Variants in WDR26 observed in about 807,000 individuals in gnomAD.
WDR26 encodes the protein WD repeat domain 26, also known as WD repeat-containing protein 26.
A neutral mutation model predicts 84.1 loss-of-function variants in WDR26; 5 were observed. That is an observed-to-expected ratio of 0.06 (90% CI 0.03 to 0.13). The LOEUF (loss-of-function observed/expected upper bound fraction) is 0.13, where lower values mean the gene tolerates loss of function less well. Ranked by LOEUF, WDR26 falls within the 10% of genes least tolerant of loss-of-function variation. The probability of loss-of-function intolerance (pLI) is 1.00; values close to 1 mark genes in which losing one functional copy is unlikely to be tolerated. For missense variants in WDR26, 642 were observed against 974.9 expected, an observed-to-expected ratio of 0.66 and a Z score of 4.55; for synonymous variants, 415 against 389.6, an observed-to-expected ratio of 1.07 and a Z score of -0.77.
At chr1:224,415,813 C>G (rs909181441) in intron 6 of WDR26, among the ~76,000 whole-genome samples, 1 of 152,026 alleles carries the variant, frequency 6.6e-6, no homozygotes, top group Non-Finnish European at 1.5e-5. Context: ...TAAGGAGTAG[C>G]CAGGAGTTAA....
chr1:224,397,201 G>A (rs1327605749), intron 12 of WDR26, among the ~76,000 whole-genome samples: 1 of 152,106 alleles, frequency 6.6e-6, no homozygotes, highest in Admixed American at 6.6e-5. Context: ...ATGTTGCCCA[G>A]GTTGGTCTGG....
chr1:224,398,949 G>C lies in WDR26; in HGVS notation c.1805C>G (p.Ala602Gly), dbSNP rs1316774402. 1 of 1,613,542 alleles carries C rather than the reference G, an allele frequency of 6.2e-7. No individual in the cohort carries two copies. Among genetic ancestry groups the C allele is most frequent in the Non-Finnish European group, 8.5e-7 (1 of 1,179,830 alleles). Reference sequence around the variant, plus strand: ...CCGAATTCGCTGGTGTGTATCTGATGCCAGAACAGTCTTTCCATCACTCAA... The same window carrying C: ...CCGAATTCGCTGGTGTGTATCTGATCCCAGAACAGTCTTTCCATCACTCAA... Residue 602 changes from alanine to glycine, a missense_variant, in exon 10 of 14, where the codon GCA becomes GGA. By Grantham distance (60) the Ala-to-Gly change is moderately conservative. Coordinates refer to ENST00000414423, the MANE Select transcript of WDR26 (RefSeq NM_001379403.1).
chr1:224,393,491 T>C (rs1673179288), intron 13 of WDR26, among the ~76,000 whole-genome samples: 1 of 152,234 alleles, frequency 6.6e-6, no homozygotes, highest in Non-Finnish European at 1.5e-5. Context: ...GTTTCATGTG[T>C]ATAAAATTCT....
At position 224,434,068 on chromosome 1, in the gene WDR26, C is replaced by A; in HGVS notation, c.338G>T (p.Gly113Val). 1 of 1,449,432 alleles carries A rather than the reference C, an allele frequency of 6.9e-7. No individual in the cohort carries two copies. The highest frequency in any genetic ancestry group is 2.7e-5 in the Admixed American group (1 of 37,142). 89.8% of individuals were successfully genotyped at this position (1,449,432 alleles called of 1,614,324 possible). ...CCCTCCTCCTCCACCGCCGCCGCCG[C>A]CACCTCCTCCTCCTCCTCCTGCCCC... Residue 113 changes from glycine (G) to valine (V), a missense_variant, in exon 1 of 14, where the codon GGC becomes GTC. This residue lies in a region of WDR26 where 291 missense variants were observed against 302.1 expected (regional missense o/e 0.96). Coordinates refer to ENST00000414423, the MANE Select transcript of WDR26 (RefSeq NM_001379403.1).
At chr1:224,407,173 A>G (rs1246938032) in intron 7 of WDR26, among the ~76,000 whole-genome samples, 7 of 81,490 alleles carry the variant, frequency 8.6e-5, no homozygotes, top group African/African-American at 3.1e-4. Flanking sequence ...TATATATATA[A>G]CTCAAAAACT....
chr1:224,397,926 G>T, intron 12 of WDR26, 171 bp downstream of exon 12: 1 of 728,486 alleles, frequency 1.4e-6, no homozygotes. Flanking sequence ...GTGACAATTT[G>T]TGATAATACA....
chr1:224,424,622 G>A lies in WDR26; in HGVS notation c.960C>T (p.Tyr320=). ...CCTTGCCATCCTCCAGGTATTCTAG[G>A]TACTTCTGCTGCAGCAGCAAAAACT... Residue 320 remains tyrosine, a synonymous_variant, in exon 4 of 14, where the codon TAC becomes TAT. Transcript: ENST00000414423. The A allele has an allele frequency of 1.2e-6, 2 of 1,614,138 alleles. No homozygotes were observed. Among genetic ancestry groups the A allele is most frequent in the Non-Finnish European group, 1.7e-6 (2 of 1,180,016 alleles).
chr1:224,434,119 A>C lies in WDR26; in HGVS notation c.287T>G (p.Val96Gly). 7.0e-7 allele frequency: 1 copy of C among 1,428,352 alleles called. No individual in the cohort carries two copies. 88.5% of individuals were successfully genotyped at this position (1,428,352 alleles called of 1,614,324 possible). A position where few individuals can be genotyped will look rare whatever the true frequency, so the allele number is the denominator to read the frequency against. Residue 96 changes from valine to glycine, a missense_variant, in exon 1 of 14, where the codon GTC (valine) becomes GGC (glycine). Physicochemically the swap from Val to Gly is moderately radical, Grantham distance 109. Transcript: ENST00000414423. Reference sequence around the variant, plus strand: ...ATTGGCCTGCATGATGCTGCCGCTGACCAGGCTGTGGCCGCTACTTCGGTG... The same window carrying C: ...ATTGGCCTGCATGATGCTGCCGCTGCCCAGGCTGTGGCCGCTACTTCGGTG...
Position 224,389,672 on chromosome 1 carries a change from C to A in WDR26, c.*163G>T. 1 of 707,400 alleles carries A rather than the reference C, an allele frequency of 1.4e-6. No homozygotes were observed. Among genetic ancestry groups the A allele is most frequent in the Non-Finnish European group, 2.4e-6 (1 of 408,900 alleles). 43.8% of individuals were successfully genotyped at this position (707,400 alleles called of 1,614,324 possible). ...TTCATCTCAACTGGTTACTATGAAG[C>A]AAGGTGTAAATGTTTGGCCCCAATC... On this transcript the variant is annotated 3_prime_UTR_variant, in exon 14 of 14. Transcript: ENST00000414423.
At chr1:224,412,352 T>G (rs1558431126) in intron 6 of WDR26, among the ~76,000 whole-genome samples, 1 of 152,196 alleles carries the variant, frequency 6.6e-6, no homozygotes, top group East Asian at 1.9e-4. Flanking sequence ...CTTGGCTCAG[T>G]CACTTAGCTA....
Position 224,389,709 on chromosome 1 carries a change from A to G in WDR26, c.*126T>C, listed in dbSNP as rs2102882443. The G allele has an allele frequency of 1.9e-6, 2 of 1,031,288 alleles. No individual in the cohort carries two copies. The highest frequency in any genetic ancestry group is 2.4e-5 in the East Asian group (1 of 41,314). The allele number at this position is 1,031,288 out of a possible 1,614,324, so 63.9% of individuals were successfully genotyped here. ...GTTTGGCCCCAATCGGGCTTCAGAA[A>G]TGGTTCTTTTTTCATGACGAGCATG... On this transcript the variant is annotated 3_prime_UTR_variant, in exon 14 of 14. Coordinates refer to ENST00000414423, the MANE Select transcript of WDR26 (RefSeq NM_001379403.1).
At chr1:224,419,490 C>T (rs771241698) in intron 5 of WDR26, 28 bp downstream of exon 5, 2 of 1,536,652 alleles carry the variant, frequency 1.3e-6, no homozygotes, top group South Asian at 1.1e-5. Context: ...AGAGAAAACA[C>T]AGCAACATAA....
Position 224,433,697 on chromosome 1 carries a change from C to G in WDR26, c.709G>C (p.Gly237Arg). ...AGGGATACTTACTTGAGCCCTAAGC[C>G]ATTCAAGTGCTGTCCTATTAGCCTA... Residue 237 changes from glycine to arginine, a missense_variant, in exon 1 of 14, where the codon GGC (glycine) becomes CGC (arginine). Around this residue, in one of 2 missense-constraint regions of WDR26, gnomAD observed 351 missense variants for 672.8 expected, o/e 0.52. Transcript: ENST00000414423. The G allele has an allele frequency of 6.6e-7, 1 of 1,510,948 alleles. No individual in the cohort carries two copies. Among genetic ancestry groups the G allele is most frequent in the Non-Finnish European group, 8.8e-7 (1 of 1,131,088 alleles). 93.6% of individuals were successfully genotyped at this position (1,510,948 alleles called of 1,614,324 possible). A position where few individuals can be genotyped will look rare whatever the true frequency, so the allele number is the denominator to read the frequency against.
intron 6 of WDR26, among the ~76,000 whole-genome samples, chr1:224,412,284 T>C (rs1673760685): frequency 6.6e-6 from 1 of 152,184 alleles, no homozygotes; most frequent in African/African-American, 2.4e-5. Flanking sequence ...AGGAGTGCAG[T>C]AGTTAAGAGC....
intron 4 of WDR26, among the ~76,000 whole-genome samples, chr1:224,423,443 G>A (rs1018819341): frequency 1.3e-5 from 2 of 152,202 alleles, no homozygotes; most frequent in Non-Finnish European, 2.9e-5. Flanking sequence ...ATGAAGGGGT[G>A]AATCCAGAAT....
chr1:224,424,798 T>C, intron 3 of WDR26, 144 bp from the exon 4 acceptor site: 1 of 1,032,884 alleles, frequency 9.7e-7, no homozygotes, highest in Non-Finnish European at 1.4e-6. Flanking sequence ...CTCAAAATAT[T>C]TTAGTTTAGT....
In WDR26 at chr1:224,387,630, T is replaced by G. The variant is rs1673019025; in HGVS notation, c.*2205A>C. ...GTAGAGTAGAATCTGAGTGCCAAATTGCCCCTGAATGGGCACAAATCTGAG... is the reference window on the plus strand; with the variant it reads ...GTAGAGTAGAATCTGAGTGCCAAATGGCCCCTGAATGGGCACAAATCTGAG... On this transcript the variant is annotated 3_prime_UTR_variant, in exon 14 of 14. Transcript: ENST00000414423. 1 of 152,604 alleles carries G rather than the reference T, an allele frequency of 6.6e-6. No individual in the cohort carries two copies. The highest frequency in any genetic ancestry group is 6.5e-5 in the Admixed American group (1 of 15,282). 9.5% of individuals were successfully genotyped at this position (152,604 alleles called of 1,614,324 possible). A position where few individuals can be genotyped will look rare whatever the true frequency, so the allele number is the denominator to read the frequency against.
In WDR26 at chr1:224,387,245, A is replaced by C. The variant is rs1673010234; in HGVS notation, c.*2590T>G. ...ACTATAGAGCCTACAGCACTATCAGAAGTTTTCAATTAATAGCTATGGATC... is the reference window on the plus strand; with the variant it reads ...ACTATAGAGCCTACAGCACTATCAGCAGTTTTCAATTAATAGCTATGGATC... On this transcript the variant is annotated 3_prime_UTR_variant, in exon 14 of 14. Coordinates refer to ENST00000414423, the MANE Select transcript of WDR26 (RefSeq NM_001379403.1). The C allele has an allele frequency of 6.6e-6, 1 of 152,620 alleles. No individual in the cohort carries two copies. Among genetic ancestry groups the C allele is most frequent in the Non-Finnish European group, 1.5e-5 (1 of 68,028 alleles). The allele number at this position is 152,620 out of a possible 1,614,324, so 9.5% of individuals were successfully genotyped here. A position where few individuals can be genotyped will look rare whatever the true frequency, so the allele number is the denominator to read the frequency against.
At chr1:224,403,658 C>T (rs571957000) in intron 8 of WDR26, among the ~76,000 whole-genome samples, 13 of 152,200 alleles carry the variant, frequency 8.5e-5, no homozygotes, top group East Asian at 3.9e-4. Context: ...AGCAATGGAC[C>T]GGGCACGGTG....
Sources: allele counts gnomAD v4.1 joint callset (sites outside exome capture counted in the v4.1 genomes callset), GRCh38; gene constraint gnomAD v4.1.1; regional missense constraint gnomAD v4.1.1; transcripts MANE v1.5; gene names NCBI Gene and HGNC (gene_info 2026-07-23, HGNC 2026-07-21).